Variants in TMEM132D observed in about 807,000 individuals in gnomAD.
TMEM132D encodes the protein transmembrane protein 132D, also known as mature OL transmembrane protein.
Under a neutral mutation model 62.3 loss-of-function variants are expected in TMEM132D, and 21 were observed. That is an observed-to-expected ratio of 0.34 (90% CI 0.24 to 0.49). The LOEUF (loss-of-function observed/expected upper bound fraction) is 0.49. TMEM132D is among the 20% of genes least tolerant of loss of function. The probability of loss-of-function intolerance (pLI) is 0.99; values close to 1 mark genes in which losing one functional copy is unlikely to be tolerated. For synonymous variants in TMEM132D, 621 were observed against 575.6 expected (o/e 1.08, Z -1.13); for missense variants, 1,346 against 1,402.8 (o/e 0.96, Z 0.65).
chr12:129,248,905 C>T (rs1315605669), intron 4 of TMEM132D, among the ~76,000 whole-genome samples: 1 of 152,060 alleles, frequency 6.6e-6, no homozygotes. Context: ...GCATAGTATT[C>T]CATGGTGTAT....
intron 2 of TMEM132D, among the ~76,000 whole-genome samples, chr12:129,661,901 T>A (rs993168340): frequency 1.3e-5 from 2 of 152,162 alleles, no homozygotes; most frequent in Admixed American, 6.6e-5. Context: ...ATATGGCTGG[T>A]CATATCTTCA....
In TMEM132D at chr12:129,296,083, C is replaced by CAT. The variant is rs1491317059; in HGVS notation, c.1299+41550_1299+41551insAT. ...ATATGAACATGCACACACACACACA[C>CAT]ACATATATATATATATACATATGTA... On this transcript the variant is annotated intron_variant, in intron 4 of 8. Transcript: ENST00000422113. Among the ~76,000 whole-genome samples, 134 of 140,114 alleles carry CAT rather than the reference C, an allele frequency of 9.6e-4. 1 individual carries two copies. The highest frequency in any genetic ancestry group is 3.4e-3 in the African/African-American group (125 of 36,364). The allele number at this position is 140,114 out of a possible 152,430, so 91.9% of individuals were successfully genotyped here.
chr12:129,631,004 C>T (rs1295414557), intron 2 of TMEM132D, among the ~76,000 whole-genome samples: 1 of 152,086 alleles, frequency 6.6e-6, no homozygotes, highest in Non-Finnish European at 1.5e-5. Context: ...TCGGAATGCC[C>T]ATCCATGACA....
intron 3 of TMEM132D, among the ~76,000 whole-genome samples, chr12:129,496,249 C>A (rs534455156): frequency 6.6e-6 from 1 of 152,208 alleles, no homozygotes; most frequent in African/African-American, 2.4e-5. Context: ...ATTCATAAGA[C>A]GGACGGCAGG....
rs373634402 is a variant in TMEM132D at position 129,656,315 on chromosome 12, G to A, written c.968+43495C>T. 1.9e-4 allele frequency among the ~76,000 whole-genome samples: 26 copies of A among 134,508 alleles called. No individual in the cohort carries two copies. The East Asian group carries it at 2.4e-3, about 13-fold the overall frequency. 88.2% of individuals were successfully genotyped at this position (134,508 alleles called of 152,430 possible). ...GAAGGAAGGAGAGAGGGAGGGAAAA[G>A]AGGAGGGAGAGAGAAAGAATGGAGG... On this transcript the variant is annotated intron_variant, in intron 2 of 8. Coordinates refer to ENST00000422113, the MANE Select transcript of TMEM132D (RefSeq NM_133448.3).
At chr12:129,119,714 CA>C (rs2135653204) in intron 5 of TMEM132D, among the ~76,000 whole-genome samples, 1 of 152,298 alleles carries the variant, frequency 6.6e-6, no homozygotes, top group South Asian at 2.1e-4. Context: ...ATGAGCACCT[CA>C]GGGGAGTCAG....
chr12:129,719,157 G>T (rs1034972873), intron 1 of TMEM132D, among the ~76,000 whole-genome samples: 1 of 151,920 alleles, frequency 6.6e-6, no homozygotes, highest in Non-Finnish European at 1.5e-5. Context: ...CTACTTGGGG[G>T]GCTGAGTGGG....
chr12:129,581,528 C>A (rs997214412), intron 2 of TMEM132D, among the ~76,000 whole-genome samples: 1 of 152,194 alleles, frequency 6.6e-6, no homozygotes, highest in Non-Finnish European at 1.5e-5. Flanking sequence ...GAGCCCCTGG[C>A]AAACTACTAG....
intron 2 of TMEM132D, among the ~76,000 whole-genome samples, chr12:129,536,353 GCT>G (rs1427709146): frequency 2.6e-5 from 4 of 152,116 alleles, no homozygotes; most frequent in African/African-American, 7.2e-5. Flanking sequence ...TTTTTGAATT[GCT>G]CTTTGTCTCC....
At chr12:129,091,859 T>C (rs962472005) in intron 5 of TMEM132D, among the ~76,000 whole-genome samples, 1 of 152,238 alleles carries the variant, frequency 6.6e-6, no homozygotes, top group Admixed American at 6.5e-5. Context: ...CAGAACTTCT[T>C]CCAGCATTCT....
chr12:129,552,158 A>T (rs1876916147), intron 2 of TMEM132D, among the ~76,000 whole-genome samples: 1 of 152,240 alleles, frequency 6.6e-6, no homozygotes. Flanking sequence ...CTATCAGGAC[A>T]ACTCCAAGTC....
intron 1 of TMEM132D, among the ~76,000 whole-genome samples, chr12:129,742,710 T>C (rs989431680): frequency 2.0e-5 from 3 of 152,192 alleles, no homozygotes. Context: ...GGTGTGCCTG[T>C]GAGCTTTACC....
chr12:129,323,050 C>T (rs1016734427), intron 4 of TMEM132D, among the ~76,000 whole-genome samples: 1 of 152,268 alleles, frequency 6.6e-6, no homozygotes, highest in Non-Finnish European at 1.5e-5. Context: ...GTATTTCCTT[C>T]CAGTTTGTTG....
intron 1 of TMEM132D, among the ~76,000 whole-genome samples, chr12:129,843,058 G>A (rs1254875923): frequency 6.6e-6 from 1 of 152,112 alleles, no homozygotes; most frequent in Non-Finnish European, 1.5e-5. Context: ...ACACAAATGA[G>A]TTAAGTTTGG....
At chr12:129,749,603 T>G (rs1869931946) in intron 1 of TMEM132D, among the ~76,000 whole-genome samples, 1 of 147,664 alleles carries the variant, frequency 6.8e-6, no homozygotes, top group East Asian at 2.0e-4. Flanking sequence ...AATAGAGGTA[T>G]GAGCCACCAT....
At chr12:129,252,067 C>A (rs1466158611) in intron 4 of TMEM132D, among the ~76,000 whole-genome samples, 6 of 152,080 alleles carry the variant, frequency 3.9e-5, no homozygotes, top group Non-Finnish European at 8.8e-5. Context: ...TTTAGCCTAG[C>A]TAAAATATGT....
chr12:129,455,249 C>A (rs1395894900), intron 3 of TMEM132D, among the ~76,000 whole-genome samples: 2 of 152,206 alleles, frequency 1.3e-5, no homozygotes, highest in African/African-American at 4.8e-5. Context: ...TAGGAATGAG[C>A]AGAGCTCTGG....
At chr12:129,255,964 C>T (rs1307683127) in intron 4 of TMEM132D, among the ~76,000 whole-genome samples, 10 of 152,104 alleles carry the variant, frequency 6.6e-5, no homozygotes, top group Admixed American at 5.2e-4. Context: ...CTGTGGGCAG[C>T]GAGTTAATAC....
rs139853595 is a variant in TMEM132D, at chr12:129,315,338, G to T, written c.1299+22296C>A. 2.3e-3 allele frequency among the ~76,000 whole-genome samples: 350 copies of T among 152,252 alleles called. 13 individuals carry two copies. The East Asian group carries it at 0.062, about 27-fold the overall frequency. On this transcript the variant is annotated intron_variant, in intron 4 of 8. Transcript: ENST00000422113. ...GTCCCTTGTATGCTGATTTTGCTGA[G>T]AGTTTTAATCATAAAGGGATGCTGA...
Sources: gnomAD v4.1 joint callset for allele counts (sites outside exome capture counted in the v4.1 genomes callset) on GRCh38, gnomAD v4.1.1 for gene constraint, MANE v1.5 for transcripts, NCBI Gene and HGNC (gene_info 2026-07-23, HGNC 2026-07-21) for gene names.